Variants in INPP4A observed in about 807,000 individuals in gnomAD.
INPP4A encodes the protein inositol polyphosphate-4-phosphatase type I A, also known as inositol polyphosphate-4-phosphatase, type I, 107kD.
In INPP4A, 33 loss-of-function variants were observed where a neutral mutation model predicts 119.8. That is an observed-to-expected ratio of 0.28 (90% CI 0.21 to 0.37). The LOEUF (loss-of-function observed/expected upper bound fraction) is 0.37. Ranked by LOEUF, INPP4A falls within the 10% of genes least tolerant of loss-of-function variation. INPP4A has a pLI of 1.00. For missense variants in INPP4A, 956 were observed against 1,289.9 expected, an observed-to-expected ratio of 0.74 and a Z score of 3.97; for synonymous variants, 496 against 500.7, an observed-to-expected ratio of 0.99 and a Z score of 0.12.
chr2:98,578,781 A>G (rs1698836370), intron 24 of INPP4A, among the ~76,000 whole-genome samples: 1 of 152,222 alleles, frequency 6.6e-6, no homozygotes, highest in African/African-American at 2.4e-5. Flanking sequence ...AAATACAGAT[A>G]AGCCCCTACA....
At chr2:98,581,324 T>C (rs1235547433) in intron 24 of INPP4A, among the ~76,000 whole-genome samples, 1 of 152,202 alleles carries the variant, frequency 6.6e-6, no homozygotes, top group African/African-American at 2.4e-5. Flanking sequence ...TTTCTTATTT[T>C]CACTTCTCTT....
At chr2:98,543,651 A>G (rs912745363) in intron 10 of INPP4A, among the ~76,000 whole-genome samples, 12 of 151,908 alleles carry the variant, frequency 7.9e-5, no homozygotes, top group Non-Finnish European at 1.0e-4. Flanking sequence ...GTGAAAAGCT[A>G]CTCTGGACAC....
At chr2:98,530,583 T>TA (rs1689036892) in intron 4 of INPP4A, among the ~76,000 whole-genome samples, 1 of 152,220 alleles carries the variant, frequency 6.6e-6, no homozygotes, top group Non-Finnish European at 1.5e-5. Context: ...TTTAGAGTGC[T>TA]AGTGCTCCTT....
Position 98,536,117 on chromosome 2 carries a change from T to TCTCTTCCTC in INPP4A, c.388-11_388-3dup, listed in dbSNP as rs1280426631. The TCTCTTCCTC allele has an allele frequency of 1.3e-6, 2 of 1,585,158 alleles. No homozygotes were observed. The highest frequency in any genetic ancestry group is 3.3e-5 in the Admixed American group (2 of 59,730). ...GCGCACCAATGCTGCCTCTCTTCCT[T>TCTCTTCCTC]CTCTTCCTCAGATGTATTTACTGGG... On this transcript the variant is annotated splice_polypyrimidine_tract_variant and intron_variant, in intron 6 of 24. Transcript: ENST00000409851.
chr2:98,505,423 CT>C (rs3835896), intron 1 of INPP4A, among the ~76,000 whole-genome samples: 36,912 of 152,140 alleles, frequency 0.24, 4,622 homozygotes, highest in Middle Eastern at 0.35. Flanking sequence ...AGCTCGTTCA[CT>C]TTCCCTGCAG....
intron 10 of INPP4A, among the ~76,000 whole-genome samples, chr2:98,541,407 G>T (rs955871267): frequency 2.0e-5 from 3 of 150,560 alleles, no homozygotes; most frequent in African/African-American, 7.3e-5. Context: ...TTAATATTTT[G>T]CCAATTGCTT....
At chr2:98,563,348 G>A (rs751694801) in intron 17 of INPP4A, 117 bp from the exon 18 acceptor site, 4 of 915,286 alleles carry the variant, frequency 4.4e-6, no homozygotes, top group Admixed American at 2.4e-5. Context: ...AAGATGAGGT[G>A]GAGATGGGGG....
chr2:98,576,602 C>T (rs1698461880), intron 23 of INPP4A, among the ~76,000 whole-genome samples: 1 of 152,122 alleles, frequency 6.6e-6, no homozygotes. Context: ...CCCAGTGGGT[C>T]ATATTTGCCG....
intron 1 of INPP4A, among the ~76,000 whole-genome samples, chr2:98,459,336 A>C (rs1170100453): frequency 1.3e-5 from 2 of 152,124 alleles, no homozygotes; most frequent in East Asian, 3.9e-4. Flanking sequence ...AGCTATTAGG[A>C]GGAAGGGGGT....
In INPP4A at chr2:98,566,003, C is replaced by T; in HGVS notation, c.2280-26C>T. 1 of 1,597,744 alleles carries T rather than the reference C, an allele frequency of 6.3e-7. No homozygotes were observed. Among genetic ancestry groups the T allele is most frequent in the South Asian group, 1.1e-5 (1 of 89,040 alleles). On this transcript the variant is annotated intron_variant, in intron 20 of 24. Transcript: ENST00000409851. The surrounding 1 kb of genome is among the most constrained non-coding windows in gnomAD (Gnocchi z 4.2). The stretch of plus-strand genomic sequence containing the variant: ...TCGGTGGCCCTCTGGCCTCACACTG[C>T]TCTCCCTCTCTCCACCTTTCTCCAG...
At chr2:98,526,240 G>A (rs1688165652) in intron 4 of INPP4A, among the ~76,000 whole-genome samples, 1 of 152,158 alleles carries the variant, frequency 6.6e-6, no homozygotes, top group Admixed American at 6.5e-5. Context: ...TAGGAGATTT[G>A]TACAAGAGGG....
intron 1 of INPP4A, among the ~76,000 whole-genome samples, chr2:98,512,000 A>G (rs769490771): frequency 4.6e-5 from 7 of 152,318 alleles, no homozygotes; most frequent in Admixed American, 6.5e-5. Flanking sequence ...TAAAACTCAC[A>G]TAGACTTAGC....
Position 98,588,762 on chromosome 2 carries a change from T to C in INPP4A, c.*1154T>C, listed in dbSNP as rs1232739401. 9.0e-6 allele frequency: 2 copies of C among 222,502 alleles called. No individual in the cohort carries two copies. Among genetic ancestry groups the C allele is most frequent in the Non-Finnish European group, 9.0e-6 (1 of 111,520 alleles). The allele number at this position is 222,502 out of a possible 1,614,324, so 13.8% of individuals were successfully genotyped here. A position where few individuals can be genotyped will look rare whatever the true frequency, so the allele number is the denominator to read the frequency against. On this transcript the variant is annotated 3_prime_UTR_variant, in exon 25 of 25. Transcript: ENST00000409851. ...TTTTATAAGATGATGATGAGTCTTA[T>C]CTGCACATAGCAGAGTTTGTTTCTT...
rs1700473436 is a variant in INPP4A at position 98,593,039 on chromosome 2, C to T, written c.*5431C>T. On this transcript the variant is annotated 3_prime_UTR_variant, in exon 25 of 25. Coordinates refer to ENST00000409851, the MANE Select transcript of INPP4A (RefSeq NM_001134225.2). ...GTAGGCAAACGGAGAGTAGCTTGGT[C>T]TTGTTTTTATTAGCTGTTGCCCTCC... 6.6e-6 allele frequency: 1 copy of T among 152,304 alleles called. No homozygotes were observed. The highest frequency in any genetic ancestry group is 1.5e-5 in the Non-Finnish European group (1 of 68,108). The allele number at this position is 152,304 out of a possible 1,614,324, so 9.4% of individuals were successfully genotyped here.
At chr2:98,555,499 G>A (rs1292233792) in intron 15 of INPP4A, 54 bp from the exon 16 acceptor site, 3 of 1,544,332 alleles carry the variant, frequency 1.9e-6, no homozygotes, top group Non-Finnish European at 2.6e-6. Flanking sequence ...TTTGTGTTAT[G>A]TTTGTGTTTC....
At chr2:98,487,068 A>G (rs537370698) in intron 1 of INPP4A, among the ~76,000 whole-genome samples, 1 of 152,258 alleles carries the variant, frequency 6.6e-6, no homozygotes, top group Admixed American at 6.5e-5. Flanking sequence ...ATAGTTTTAG[A>G]TATACAGAAA....
intron 1 of INPP4A, among the ~76,000 whole-genome samples, chr2:98,460,529 T>C (rs566957862): frequency 1.3e-5 from 2 of 152,342 alleles, no homozygotes; most frequent in East Asian, 3.9e-4. Context: ...GTTTGTGTCA[T>C]TACTTTAAGT....
intron 13 of INPP4A, among the ~76,000 whole-genome samples, chr2:98,552,391 CCTT>C (rs367728833): frequency 1.3e-5 from 2 of 152,150 alleles, no homozygotes; most frequent in African/African-American, 4.8e-5. Flanking sequence ...TAACCTGACC[CCTT>C]CTTCTGTAAA....
At position 98,538,883 on chromosome 2, in the gene INPP4A, A is replaced by G. The variant is rs762615561; in HGVS notation, c.580-8A>G. 26 of 1,567,754 alleles carry G rather than the reference A, an allele frequency of 1.7e-5. No individual in the cohort carries two copies. Among genetic ancestry groups the G allele is most frequent in the Non-Finnish European group, 2.2e-5 (25 of 1,139,554 alleles). ...AGTTTTCTTGTGCATTTCCTTATACATTATCAGATGGTTCTTCCTGTCGAT... is the reference window on the plus strand; with the variant it reads ...AGTTTTCTTGTGCATTTCCTTATACGTTATCAGATGGTTCTTCCTGTCGAT... On this transcript the variant is annotated splice_region_variant and splice_polypyrimidine_tract_variant and intron_variant, in intron 8 of 24. Transcript: ENST00000409851.
Sources: gnomAD v4.1 joint callset for allele counts (sites outside exome capture counted in the v4.1 genomes callset) on GRCh38, gnomAD v4.1.1 for gene constraint, Gnocchi (gnomAD v3.1) non-coding constraint, MANE v1.5 for transcripts, NCBI Gene and HGNC (gene_info 2026-07-23, HGNC 2026-07-21) for gene names.